TMEM232: variants seen among roughly 807,000 people sequenced by gnomAD.
TMEM232 encodes transmembrane protein 232.
In TMEM232, 80 loss-of-function variants were observed where a neutral mutation model predicts 78.8. That is an observed-to-expected ratio of 1.01 (90% CI 0.85 to 1.22). The LOEUF is 1.22. Ranked by LOEUF, TMEM232 falls within the 50% of genes most tolerant of loss-of-function variation. TMEM232 has a pLI of 0.00. For missense variants in TMEM232, 881 were observed against 742.2 expected (o/e 1.19, Z -2.17); for synonymous variants, 297 against 254.3 (o/e 1.17, Z -1.60).
rs549152224 is a variant in TMEM232 at position 110,714,904 on chromosome 5, G to T, written c.-13+11723C>A. Among the ~76,000 whole-genome samples the T allele has an allele frequency of 8.5e-5, 13 of 152,200 alleles. No individual in the cohort carries two copies. The East Asian group carries it at 2.3e-3, about 27-fold the overall frequency. On this transcript the variant is annotated intron_variant, in intron 1 of 13. Coordinates refer to ENST00000455884, the MANE Select transcript of TMEM232 (RefSeq NM_001039763.4). ...TGAAGATCCTAAATTCCATGATAAT[G>T]CTGGGGTGATTTTAGGAGAATTACT...
intron 1 of TMEM232, among the ~76,000 whole-genome samples, chr5:110,695,308 T>A (rs1432785552): frequency 6.6e-6 from 1 of 152,136 alleles, no homozygotes; most frequent in Non-Finnish European, 1.5e-5. Flanking sequence ...AAGCAGTGTG[T>A]AGAGGGAAAT....
At chr5:110,599,829 T>G (rs188377821) in intron 10 of TMEM232, among the ~76,000 whole-genome samples, 2 of 152,236 alleles carry the variant, frequency 1.3e-5, no homozygotes, top group East Asian at 3.9e-4. Flanking sequence ...AATAGACATC[T>G]ACAAAACTCT....
At chr5:110,538,060 G>A (rs13361908) in intron 11 of TMEM232, among the ~76,000 whole-genome samples, 9 of 152,206 alleles carry the variant, frequency 5.9e-5, no homozygotes, top group Admixed American at 2.0e-4. Context: ...ATGAACAACC[G>A]GGCTAAATTT....
chr5:110,584,971 A>G (rs572952338), intron 10 of TMEM232, among the ~76,000 whole-genome samples: 6 of 152,252 alleles, frequency 3.9e-5, no homozygotes, highest in African/African-American at 1.4e-4. Context: ...CTTTGGAAAC[A>G]TTGCATTATT....
intron 2 of TMEM232, among the ~76,000 whole-genome samples, chr5:110,663,950 G>A (rs1362637885): frequency 1.3e-5 from 2 of 152,020 alleles, no homozygotes; most frequent in African/African-American, 2.4e-5. Context: ...ACCAGCCTCA[G>A]CAACAAAGCA....
rs1294032348 is a variant in TMEM232 at position 110,644,394 on chromosome 5, T to TA, written c.126-2024dup. On this transcript the variant is annotated intron_variant, in intron 2 of 13. Coordinates refer to ENST00000455884, the MANE Select transcript of TMEM232 (RefSeq NM_001039763.4). ...TCATTAGGAATTATGTTTTTAAAAA[T>TA]ATGAAAATAACAGTGCTGTTTTTAA... Among the ~76,000 whole-genome samples, 13 of 152,014 alleles carry TA rather than the reference T, an allele frequency of 8.6e-5. 2 individuals are homozygous for TA. Among genetic ancestry groups the TA allele is most frequent in the East Asian group, 5.8e-4 (3 of 5,188 alleles).
intron 1 of TMEM232, among the ~76,000 whole-genome samples, chr5:110,690,189 G>A (rs1260202921): frequency 6.6e-6 from 1 of 152,184 alleles, no homozygotes; most frequent in East Asian, 1.9e-4. Flanking sequence ...TATCATCAGA[G>A]TGAACAGGCA....
chr5:110,657,669 G>C (rs146394811), intron 2 of TMEM232, among the ~76,000 whole-genome samples: 216 of 152,136 alleles, frequency 1.4e-3, no homozygotes, highest in African/African-American at 5.1e-3. Context: ...ATTTGTTTTC[G>C]TGTTCTATTA....
chr5:110,596,982 C>T (rs139060326), intron 10 of TMEM232, among the ~76,000 whole-genome samples: 4,357 of 152,232 alleles, frequency 0.029, 213 homozygotes, highest in African/African-American at 0.099. Flanking sequence ...TCTCACCCCT[C>T]CTATTCAACA....
chr5:110,404,958 A>G (rs568727979), intron 2 of TMEM232, among the ~76,000 whole-genome samples: 258 of 152,224 alleles, frequency 1.7e-3, no homozygotes, highest in African/African-American at 5.9e-3. Flanking sequence ...CAAGCAAAAA[A>G]CAAATTTTTC....
At chr5:110,503,668 T>C (rs1411709318) in intron 12 of TMEM232, among the ~76,000 whole-genome samples, 2 of 152,170 alleles carry the variant, frequency 1.3e-5, no homozygotes, top group Non-Finnish European at 2.9e-5. Flanking sequence ...TTTGCCTAGG[T>C]TGAAATTCCA....
intron 8 of TMEM232, among the ~76,000 whole-genome samples, chr5:110,606,597 C>T (rs1370861952): frequency 6.6e-6 from 1 of 151,886 alleles, no homozygotes; most frequent in Non-Finnish European, 1.5e-5. Context: ...TAGAGTACCC[C>T]CAAAAACTCA....
downstream of TMEM232, among the ~76,000 whole-genome samples, chr5:110,415,895 C>T (rs1400057667): frequency 2.0e-5 from 3 of 152,090 alleles, no homozygotes; most frequent in East Asian, 5.8e-4. Context: ...ATAGAGTCAG[C>T]TTCGGAAATG....
intron 12 of TMEM232, among the ~76,000 whole-genome samples, chr5:110,493,784 CT>C (rs111239203): frequency 7.4e-4 from 109 of 146,934 alleles, no homozygotes; most frequent in African/African-American, 1.2e-3. Flanking sequence ...TGCCAAATAT[CT>C]TTTTTTTTTT....
At chr5:110,584,980 TTTCTGG>T (rs1214017811) in intron 10 of TMEM232, among the ~76,000 whole-genome samples, 1 of 152,156 alleles carries the variant, frequency 6.6e-6, no homozygotes, top group African/African-American at 2.4e-5. Flanking sequence ...CATTGCATTA[TTTCTGG>T]TTCATGGGTC....
chr5:110,736,562 T>A (rs1799191769), intron 1 of TMEM232, among the ~76,000 whole-genome samples: 2 of 150,270 alleles, frequency 1.3e-5, no homozygotes, highest in Non-Finnish European at 3.0e-5. Context: ...CATTTAATAC[T>A]CATCTCTAAT....
chr5:110,537,644 C>T (rs1424477584), intron 11 of TMEM232, among the ~76,000 whole-genome samples: 1 of 152,150 alleles, frequency 6.6e-6, no homozygotes, highest in African/African-American at 2.4e-5. Flanking sequence ...ACAGTGGGAA[C>T]CCTACTAAGT....
upstream of TMEM232, among the ~76,000 whole-genome samples, chr5:110,728,050 A>C (rs1798328556): frequency 6.6e-6 from 1 of 152,170 alleles, no homozygotes; most frequent in African/African-American, 2.4e-5. Context: ...ATTCATAATC[A>C]AATGAAGATT....
At chr5:110,596,408 G>C (rs142960287) in intron 10 of TMEM232, among the ~76,000 whole-genome samples, 6,391 of 152,210 alleles carry the variant, frequency 0.042, 192 homozygotes, top group Non-Finnish European at 0.064. Flanking sequence ...GGACCAGATG[G>C]ATTCACAGCC....
Sources: gnomAD v4.1 joint callset for allele counts (sites outside exome capture counted in the v4.1 genomes callset) on GRCh38, gnomAD v4.1.1 for gene constraint, MANE v1.5 for transcripts, NCBI Gene and HGNC (gene_info 2026-07-23, HGNC 2026-07-21) for gene names.